The following CHCHD1 variants were observed in gnomAD, a reference collection of about 807,000 sequenced individuals.
CHCHD1 encodes small ribosomal subunit protein mS37.
A neutral mutation model predicts 12.7 loss-of-function variants in CHCHD1; 12 were observed. The observed-to-expected ratio is 0.95, with a 90% CI of 0.61 to 1.53. CHCHD1 has a LOEUF of 1.53. Ranked by LOEUF, CHCHD1 falls within the 40% of genes most tolerant of loss-of-function variation. The pLI is 0.00. For missense variants in CHCHD1, 151 were observed against 155.8 expected (o/e 0.97, Z 0.17); for synonymous variants, 57 against 62.4 (o/e 0.91, Z 0.41).
chr10:73,782,083 C>T lies in CHCHD1; in HGVS notation c.8C>T (p.Thr3Ile). 1.2e-6 allele frequency: 2 copies of T among 1,613,136 alleles called. No individual in the cohort carries two copies. The highest frequency in any genetic ancestry group is 1.7e-6 in the Non-Finnish European group (2 of 1,179,864). The change falls in exon 1 of 3, where the codon ACA (threonine) becomes ATA (isoleucine). Residue 3 changes from threonine (T) to isoleucine (I), a missense_variant. By Grantham distance (89) the Thr-to-Ile change is moderately conservative. Coordinates refer to ENST00000372833, the MANE Select transcript of CHCHD1 (RefSeq NM_203298.3). Reference sequence around the variant, plus strand: ...CCGGGAGCTTGGTGCGCTATGGCGACACCCAGCCTGCGGGGTCGTCTGGCG... The same window carrying T: ...CCGGGAGCTTGGTGCGCTATGGCGATACCCAGCCTGCGGGGTCGTCTGGCG... MA[T>I]PSLRGRLARF...
In CHCHD1 at chr10:73,783,547, G is replaced by A. The variant is rs2083113182; in HGVS notation, c.*360G>A. On this transcript the variant is annotated 3_prime_UTR_variant, in exon 3 of 3. Transcript: ENST00000372833. Reference sequence around the variant, plus strand: ...GTGCCCTTGCTTTTGGATGCAATAAGGAAGTTGAAGTTGCCTTCGTCTGTA... The same window carrying A: ...GTGCCCTTGCTTTTGGATGCAATAAAGAAGTTGAAGTTGCCTTCGTCTGTA... 1.2e-5 allele frequency: 2 copies of A among 173,364 alleles called. No individual in the cohort carries two copies. Among genetic ancestry groups the A allele is most frequent in the Non-Finnish European group, 2.4e-5 (2 of 81,684 alleles). 10.7% of individuals were successfully genotyped at this position (173,364 alleles called of 1,614,324 possible). A position where few individuals can be genotyped will look rare whatever the true frequency, so the allele number is the denominator to read the frequency against.
rs778492348 is a variant in CHCHD1, at chr10:73,783,111, G to A, written c.281G>A (p.Gly94Glu). ...ATGAGATCAATACAGGAAACCCTGG[G>A]AGAGTCTGGGAGTTTACTTCCAAAT... ...RKMRSIQETL[G>E]ESGSLLPNKL... Residue 94 changes from glycine (G) to glutamate (E), a missense_variant, in exon 3 of 3, where the codon GGA becomes GAA. Physicochemically the swap from Gly to Glu is moderately conservative, Grantham distance 98. Transcript: ENST00000372833. 8.7e-6 allele frequency: 14 copies of A among 1,613,858 alleles called. No individual in the cohort carries two copies. Among genetic ancestry groups the A allele is most frequent in the Non-Finnish European group, 1.0e-5 (12 of 1,179,976 alleles).
At position 73,783,434 on chromosome 10, in the gene CHCHD1, A is replaced by C. The variant is rs1328402619; in HGVS notation, c.*247A>C. The C allele has an allele frequency of 2.6e-6, 1 of 390,654 alleles. No individual in the cohort carries two copies. Among genetic ancestry groups the C allele is most frequent in the East Asian group, 5.0e-5 (1 of 19,856 alleles). 24.2% of individuals were successfully genotyped at this position (390,654 alleles called of 1,614,324 possible). On this transcript the variant is annotated 3_prime_UTR_variant, in exon 3 of 3. Coordinates refer to ENST00000372833, the MANE Select transcript of CHCHD1 (RefSeq NM_203298.3). ...TTCTTGAGCCTCCCCTAGACCCTGGAAATTCTTTCCTTCCTGATTTGCCCT... is the reference window on the plus strand; with the variant it reads ...TTCTTGAGCCTCCCCTAGACCCTGGCAATTCTTTCCTTCCTGATTTGCCCT...
Position 73,782,309 on chromosome 10 carries a change from A to C in CHCHD1, c.125-14A>C. On this transcript the variant is annotated splice_polypyrimidine_tract_variant and intron_variant, in intron 1 of 2. Transcript: ENST00000372833. ...CTTCTTGTGACTGAAGGTCCCCCGG[A>C]TCTGCCCCTCCAGAGGCGACTTGCA... is the stretch of plus-strand genomic sequence containing the variant. 6.2e-7 allele frequency: 1 copy of C among 1,612,398 alleles called. No individual in the cohort carries two copies. Among genetic ancestry groups the C allele is most frequent in the Non-Finnish European group, 8.5e-7 (1 of 1,178,708 alleles).
At chr10:73,782,250 A>C (rs910803419) in intron 1 of CHCHD1, 51 bp downstream of exon 1, 2 of 1,610,220 alleles carry the variant, frequency 1.2e-6, no homozygotes, top group African/African-American at 2.7e-5. Flanking sequence ...GAGCATGAGC[A>C]GGGGCGGGTG....
intron 2 of CHCHD1, 140 bp from the exon 3 acceptor site, chr10:73,782,934 G>A: frequency 1.4e-6 from 1 of 715,326 alleles, no homozygotes; most frequent in Non-Finnish European, 2.4e-6. Flanking sequence ...ACATCTTCAT[G>A]TGCTTTAGGG....
At chr10:73,782,989 T>G (rs1231148244) in intron 2 of CHCHD1, 85 bp from the exon 3 acceptor site, 5 of 1,020,648 alleles carry the variant, frequency 4.9e-6, no homozygotes, top group Non-Finnish European at 7.7e-6. Context: ...CTTGATTGAT[T>G]GATTGGTTTT....
intron 2 of CHCHD1, 32 bp from the exon 3 acceptor site, chr10:73,783,042 C>T: frequency 6.6e-7 from 1 of 1,515,156 alleles, no homozygotes; most frequent in African/African-American, 1.4e-5. Context: ...AACTGTAGAG[C>T]TGTCATTCTT....
At chr10:73,783,023 G>A (rs1184116407) in intron 2 of CHCHD1, 51 bp from the exon 3 acceptor site, 1 of 1,417,266 alleles carries the variant, frequency 7.1e-7, no homozygotes, top group Admixed American at 1.7e-5. Flanking sequence ...TAAAAGTCTG[G>A]ACTAGACAAA....
rs2083105144 is a variant in CHCHD1 at position 73,782,163 on chromosome 10, G to T, written c.88G>T (p.Ala30Ser). The change falls in exon 1 of 3, where the codon GCT becomes TCT. Residue 30 changes from alanine to serine, a missense_variant. Physicochemically the swap from Ala to Ser is moderately conservative, Grantham distance 99 (BLOSUM62 1). Coordinates refer to ENST00000372833, the MANE Select transcript of CHCHD1 (RefSeq NM_203298.3). ...GAAGCCCAATAAACCTCTCATTCTA[G>T]CTAACCGCGTCGGGGAGCGGCGCCG... is the stretch of plus-strand genomic sequence containing the variant. Reference protein sequence around the residue: ...VLKPNKPLILANRVGERRREK... With the variant: ...VLKPNKPLILSNRVGERRREK... 1 of 1,613,920 alleles carries T rather than the reference G, an allele frequency of 6.2e-7. No individual in the cohort carries two copies. The highest frequency in any genetic ancestry group is 1.3e-5 in the African/African-American group (1 of 75,060).
chr10:73,782,169 C>A lies in CHCHD1; in HGVS notation c.94C>A (p.Arg32Ser). The A allele has an allele frequency of 6.2e-7, 1 of 1,613,922 alleles. No individual in the cohort carries two copies. Among genetic ancestry groups the A allele is most frequent in the Non-Finnish European group, 8.5e-7 (1 of 1,180,000 alleles). Residue 32 changes from arginine (R) to serine (S), a missense_variant, in exon 1 of 3, where the codon CGC (arginine) becomes AGC (serine). By Grantham distance (110) the Arg-to-Ser change is moderately radical (BLOSUM62 -1). Coordinates refer to ENST00000372833, the MANE Select transcript of CHCHD1 (RefSeq NM_203298.3). ...KPNKPLILAN[R>S]VGERRREKGE... ...CAATAAACCTCTCATTCTAGCTAAC[C>A]GCGTCGGGGAGCGGCGCCGGGAGAA...
At chr10:73,782,943 G>A (rs2083110135) in intron 2 of CHCHD1, 131 bp from the exon 3 acceptor site, 8 of 745,526 alleles carry the variant, frequency 1.1e-5, no homozygotes, top group Admixed American at 2.4e-5. Context: ...TGTGCTTTAG[G>A]GCATTGTGAG....
chr10:73,782,447 C>A lies in CHCHD1; in HGVS notation c.243+6C>A, dbSNP rs939253912. The A allele has an allele frequency of 1.6e-5, 26 of 1,614,166 alleles. No individual in the cohort carries two copies. Among genetic ancestry groups the A allele is most frequent in the Non-Finnish European group, 2.2e-5 (26 of 1,180,028 alleles). On this transcript the variant is annotated splice_donor_region_variant and intron_variant, in intron 2 of 2. Transcript: ENST00000372833. ...ATTGTGCCGCGAGGGCTCAGGTGAC[C>A]GATGGCTCCTGGGGTGCTTTCTCAG...
chr10:73,783,009 A>T (rs2083110429), intron 2 of CHCHD1, 65 bp from the exon 3 acceptor site: 1 of 1,279,844 alleles, frequency 7.8e-7, no homozygotes, highest in East Asian at 2.3e-5. Context: ...TTTGGGTCAG[A>T]TCTTAAAAGT....
At position 73,782,210 on chromosome 10, in the gene CHCHD1, G is replaced by T; in HGVS notation, c.124+11G>T. On this transcript the variant is annotated intron_variant, in intron 1 of 2. Transcript: ENST00000372833. Reference sequence around the variant, plus strand: ...GCCGGGAGAAGGGCGGTGAGCAGTCGGAGTCAGGACGGCCCCGGAGCGGAA... The same window carrying T: ...GCCGGGAGAAGGGCGGTGAGCAGTCTGAGTCAGGACGGCCCCGGAGCGGAA... 1 of 1,613,744 alleles carries T rather than the reference G, an allele frequency of 6.2e-7. No individual in the cohort carries two copies. The highest frequency in any genetic ancestry group is 8.5e-7 in the Non-Finnish European group (1 of 1,179,890).
At chr10:73,782,573 A>G in intron 2 of CHCHD1, 132 bp downstream of exon 2, 1 of 1,509,528 alleles carries the variant, frequency 6.6e-7, no homozygotes, top group South Asian at 1.3e-5. Flanking sequence ...CAAAGTGGGA[A>G]AGGTTACAGT....
At chr10:73,782,251 G>C in intron 1 of CHCHD1, 52 bp downstream of exon 1, 1 of 1,610,698 alleles carries the variant, frequency 6.2e-7, no homozygotes, top group East Asian at 2.2e-5. Flanking sequence ...AGCATGAGCA[G>C]GGGCGGGTGG....
In CHCHD1 at chr10:73,783,153, T is replaced by C. The variant is rs761751349; in HGVS notation, c.323T>C (p.Leu108Ser). ...CTTCCAAATAAATTGAATAAGTTGT[T>C]ACAGAGGTTTCCTAACAAACCTTAC... ...SLLPNKLNKL[L>S]QRFPNKPYLS Residue 108 changes from leucine to serine, a missense_variant, in exon 3 of 3, where the codon TTA (leucine) becomes TCA (serine). Leu to Ser is a moderately radical substitution (Grantham distance 145). Transcript: ENST00000372833. The C allele has an allele frequency of 6.2e-6, 10 of 1,613,800 alleles. No individual in the cohort carries two copies. Among genetic ancestry groups the C allele is most frequent in the Middle Eastern group, 3.3e-4 (2 of 6,080 alleles).
At position 73,783,219 on chromosome 10, in the gene CHCHD1, T is replaced by C. The variant is rs1482399964; in HGVS notation, c.*32T>C. The C allele has an allele frequency of 2.6e-6, 4 of 1,522,082 alleles. No homozygotes were observed. The highest frequency in any genetic ancestry group is 2.7e-6 in the Non-Finnish European group (3 of 1,098,144). 94.3% of individuals were successfully genotyped at this position (1,522,082 alleles called of 1,614,324 possible). A position where few individuals can be genotyped will look rare whatever the true frequency, so the allele number is the denominator to read the frequency against. On this transcript the variant is annotated 3_prime_UTR_variant, in exon 3 of 3. Transcript: ENST00000372833. ...ACAAGTATTTTCAATGACTGAAATA[T>C]AGCTTCTGACAACTATGCAGAGGCA...
Sources: gnomAD v4.1 joint callset for allele counts on GRCh38, gnomAD v4.1.1 for gene constraint, MANE v1.5 for transcripts, NCBI Gene and HGNC (gene_info 2026-07-23, HGNC 2026-07-21) for gene names.